Variants in VPS13D observed in about 807,000 individuals in gnomAD.
VPS13D encodes intermembrane lipid transfer protein VPS13D.
In VPS13D, 187 loss-of-function variants were observed where a neutral mutation model predicts 461.9. The observed-to-expected ratio is 0.40, with a 90% confidence interval of 0.36 to 0.46. The LOEUF (loss-of-function observed/expected upper bound fraction) is 0.46, where lower values mean the gene tolerates loss of function less well. Ranked by LOEUF, VPS13D falls within the 20% of genes least tolerant of loss-of-function variation. The pLI, the probability that VPS13D is intolerant of heterozygous loss-of-function variation, is 0.60. For missense variants in VPS13D, 4,711 were observed against 5,364.9 expected (o/e 0.88, Z 3.81); for synonymous variants, 1,951 against 1,986.3 (o/e 0.98, Z 0.47).
In VPS13D at chr1:12,373,826, C is replaced by G. The variant is rs767255448; in HGVS notation, c.10885C>G (p.Pro3629Ala). Residue 3629 changes from proline (P) to alanine (A), a missense_variant, in exon 55 of 70, where the codon CCC (proline) becomes GCC (alanine). This residue lies in a region of VPS13D where 4,411 missense variants were observed against 4,937.8 expected (regional missense o/e 0.89). Transcript: ENST00000620676. ...TGCGGAGCTCGTTTTGGATGTCTCACCCAAGACACAAAGAGTCATTTTAAA... is the reference window on the plus strand; with the variant it reads ...TGCGGAGCTCGTTTTGGATGTCTCAGCCAAGACACAAAGAGTCATTTTAAA... Reference protein sequence around the residue: ...TCAELVLDVSPKTQRVILKKK... With the variant: ...TCAELVLDVSAKTQRVILKKK... 3.7e-5 allele frequency: 60 copies of G among 1,607,534 alleles called. No individual in the cohort carries two copies. In the South Asian group the frequency reaches 6.4e-4, roughly 17 times the overall value.
chr1:12,288,015 C>G (rs190618944), intron 21 of VPS13D, among the ~76,000 whole-genome samples: 1 of 152,184 alleles, frequency 6.6e-6, no homozygotes, highest in Non-Finnish European at 1.5e-5. Flanking sequence ...ACCACAGAAA[C>G]TGAAATTTAG....
rs1305006642 is a variant in VPS13D at position 12,510,869 on chromosome 1, T to A, written c.*1845T>A. 6.6e-6 allele frequency: 1 copy of A among 152,428 alleles called. No individual in the cohort carries two copies. Among genetic ancestry groups the A allele is most frequent in the Non-Finnish European group, 1.5e-5 (1 of 68,246 alleles). The allele number at this position is 152,428 out of a possible 1,614,324, so 9.4% of individuals were successfully genotyped here. On this transcript the variant is annotated 3_prime_UTR_variant, in exon 70 of 70. Coordinates refer to ENST00000620676, the MANE Select transcript of VPS13D (RefSeq NM_015378.4). ...GCCTCCCTCCTTGCACCCCCACAGG[T>A]TTGGCTTGTGGTTTTTGTCATCAGT...
intron 29 of VPS13D, among the ~76,000 whole-genome samples, chr1:12,313,637 A>G (rs992360031): frequency 3.9e-5 from 6 of 152,180 alleles, no homozygotes; most frequent in Admixed American, 1.3e-4. Context: ...GATTAGTTGA[A>G]TTATTCTCCA....
chr1:12,399,403 G>A (rs1343570794), intron 60 of VPS13D, among the ~76,000 whole-genome samples: 2 of 151,594 alleles, frequency 1.3e-5, no homozygotes, highest in South Asian at 2.1e-4. Flanking sequence ...CATCATGTTG[G>A]CCAGGCTGGT....
At chr1:12,328,867 A>G (rs1280958235) in intron 36 of VPS13D, among the ~76,000 whole-genome samples, 3 of 152,052 alleles carry the variant, frequency 2.0e-5, no homozygotes, top group Non-Finnish European at 4.4e-5. Flanking sequence ...GAGTAAATGA[A>G]AATCTCCCTA....
chr1:12,508,488 G>T (rs1646142250), intron 69 of VPS13D, among the ~76,000 whole-genome samples: 1 of 149,180 alleles, frequency 6.7e-6, no homozygotes, highest in South Asian at 2.1e-4. Flanking sequence ...GGCGGATCAC[G>T]AGGTCAGGAG....
In VPS13D at chr1:12,277,145, G is replaced by C; in HGVS notation, c.3557G>C (p.Arg1186Thr). Residue 1186 changes from arginine to threonine, a missense_variant, in exon 19 of 70, where the codon AGA becomes ACA. Physicochemically the swap from Arg to Thr is moderately conservative, Grantham distance 71. This residue lies in a region of VPS13D where 4,411 missense variants were observed against 4,937.8 expected (regional missense o/e 0.89). Transcript: ENST00000620676. ...LLLRTVGMANREKYGRKIATA... is the reference protein window; with the variant it reads ...LLLRTVGMANTEKYGRKIATA... ...CTTCGGACAGTGGGCATGGCAAATAGAGAGAAATATGGCAGAAAAATTGCA... is the reference window on the plus strand; with the variant it reads ...CTTCGGACAGTGGGCATGGCAAATACAGAGAAATATGGCAGAAAAATTGCA... 1 of 1,614,192 alleles carries C rather than the reference G, an allele frequency of 6.2e-7. No homozygotes were observed. The highest frequency in any genetic ancestry group is 8.5e-7 in the Non-Finnish European group (1 of 1,180,030).
intron 7 of VPS13D, among the ~76,000 whole-genome samples, chr1:12,255,446 G>A (rs979988088): frequency 1.2e-4 from 18 of 152,250 alleles, no homozygotes; most frequent in African/African-American, 4.3e-4. Flanking sequence ...ATCTGCATAT[G>A]TACAGAATGG....
intron 20 of VPS13D, among the ~76,000 whole-genome samples, chr1:12,280,199 C>T (rs1439436100): frequency 6.6e-6 from 1 of 151,984 alleles, no homozygotes. Context: ...AAGAGTAGTA[C>T]ATTATAAAAC....
intron 46 of VPS13D, among the ~76,000 whole-genome samples, chr1:12,352,422 A>T (rs1643816039): frequency 6.6e-6 from 1 of 152,210 alleles, no homozygotes; most frequent in African/African-American, 2.4e-5. Context: ...AGAATAGACA[A>T]AAGAACGGAC....
At chr1:12,392,071 A>G (rs1644433811) in intron 60 of VPS13D, among the ~76,000 whole-genome samples, 1 of 152,138 alleles carries the variant, frequency 6.6e-6, no homozygotes, top group Non-Finnish European at 1.5e-5. Context: ...CGTGTTGGCC[A>G]GGCTGGTCTT....
intron 60 of VPS13D, among the ~76,000 whole-genome samples, chr1:12,386,895 G>A (rs1282184109): frequency 6.6e-6 from 1 of 152,154 alleles, no homozygotes; most frequent in Non-Finnish European, 1.5e-5. Flanking sequence ...GACCAAGCAA[G>A]TACCCAGCAC....
At chr1:12,448,617 C>A (rs754705942) in intron 65 of VPS13D, among the ~76,000 whole-genome samples, 21 of 152,292 alleles carry the variant, frequency 1.4e-4, no homozygotes, top group Non-Finnish European at 1.9e-4. Context: ...AGGATTCATC[C>A]TTCCTTCATA....
chr1:12,401,849 T>C, intron 62 of VPS13D, 145 bp downstream of exon 62: 1 of 627,524 alleles, frequency 1.6e-6, no homozygotes, highest in African/African-American at 1.8e-5. Flanking sequence ...AAGGCTTGTG[T>C]TTCAGTTGTG....
rs777288409 is a variant in VPS13D, at chr1:12,353,981, G to T, written c.9439G>T (p.Val3147Leu). 6.2e-7 allele frequency: 1 copy of T among 1,613,686 alleles called. No individual in the cohort carries two copies. The highest frequency in any genetic ancestry group is 8.5e-7 in the Non-Finnish European group (1 of 1,179,700). ...ACCATTTTATCTTCATAGGTTTTGT[G>T]TGGCTATAAAGAAAGAGAATTATCC... The part of the protein sequence containing the change: ...TEKSRFFRFC[V>L]AIKKENYPDY... Residue 3147 changes from valine to leucine, a missense_variant, in exon 47 of 70, where the codon GTG becomes TTG. Coordinates refer to ENST00000620676, the MANE Select transcript of VPS13D (RefSeq NM_015378.4).
In VPS13D at chr1:12,339,560, C is replaced by T. The variant is rs2101571997; in HGVS notation, c.8626+1255C>T. 2.0e-5 allele frequency among the ~76,000 whole-genome samples: 3 copies of T among 152,284 alleles called. 1 individual carries two copies. In the South Asian group the frequency reaches 6.2e-4, roughly 32 times the overall value. The stretch of plus-strand genomic sequence containing the variant: ...AGAAATTGGGTTTGGTCACTAGGGG[C>T]AGATTTTCTGAGGCCATTAGGGAAT... On this transcript the variant is annotated intron_variant, in intron 40 of 69. Coordinates refer to ENST00000620676, the MANE Select transcript of VPS13D (RefSeq NM_015378.4).
intron 60 of VPS13D, among the ~76,000 whole-genome samples, chr1:12,387,133 A>G (rs1435680569): frequency 6.6e-6 from 1 of 152,234 alleles, no homozygotes; most frequent in Admixed American, 6.5e-5. Flanking sequence ...GGCTAGGAAT[A>G]GTGCTTGTGC....
chr1:12,414,852 G>A (rs1243062387), intron 63 of VPS13D, among the ~76,000 whole-genome samples: 3 of 152,190 alleles, frequency 2.0e-5, no homozygotes, highest in Admixed American at 6.5e-5. Context: ...CAAACTGATA[G>A]TGTTTATTTC....
At chr1:12,242,751 G>T (rs748019970) in intron 3 of VPS13D, among the ~76,000 whole-genome samples, 161 bp downstream of exon 3, 2 of 152,112 alleles carry the variant, frequency 1.3e-5, no homozygotes, top group Non-Finnish European at 1.5e-5. Flanking sequence ...TGGGCCACTC[G>T]TATCAGGATG....
Sources: gnomAD v4.1 joint callset for allele counts (sites outside exome capture counted in the v4.1 genomes callset) on GRCh38, gnomAD v4.1.1 for gene constraint, gnomAD v4.1.1 regional missense constraint, MANE v1.5 for transcripts, NCBI Gene and HGNC (gene_info 2026-07-23, HGNC 2026-07-21) for gene names.